Variants in TNS1 observed in about 807,000 individuals in gnomAD.
TNS1 encodes the protein tensin 1.
In TNS1, 62 loss-of-function variants were observed where a neutral mutation model predicts 168.6. The ratio of observed to expected loss-of-function variants is 0.37; its 90% CI spans 0.30 to 0.45. The LOEUF (loss-of-function observed/expected upper bound fraction) is 0.45, where lower values mean the gene tolerates loss of function less well. Ranked by LOEUF, TNS1 falls within the 20% of genes least tolerant of loss-of-function variation. TNS1 has a pLI of 1.00. For missense variants in TNS1, 2,240 were observed against 2,339.4 expected, an observed-to-expected ratio of 0.96 and a Z score of 0.88; for synonymous variants, 934 against 933.2, an observed-to-expected ratio of 1.00 and a Z score of -0.02.
chr2:217,937,188 T>TC, intron 3 of TNS1: 8 of 373,272 alleles, frequency 2.1e-5, no homozygotes, highest in South Asian at 3.9e-5. Context: ...ACTCCCCTAC[T>TC]CCCCTACTCC....
intron 20 of TNS1, among the ~76,000 whole-genome samples, 164 bp downstream of exon 20, chr2:217,835,851 G>A (rs1945090735): frequency 6.6e-6 from 1 of 152,120 alleles, no homozygotes; most frequent in African/African-American, 2.4e-5. Context: ...TATTTAATGG[G>A]CCCCAGACTC....
At position 217,818,008 on chromosome 2, in the gene TNS1, G is replaced by A. The variant is rs147499675; in HGVS notation, c.4324C>T (p.Arg1442Trp). The A allele has an allele frequency of 2.6e-4, 419 of 1,596,730 alleles. No homozygotes were observed. Among genetic ancestry groups the A allele is most frequent in the East Asian group, 1.4e-3 (60 of 44,120 alleles). Reference protein sequence around the residue: ...TPEDRRPTLSRQSSASGYQAP... With the variant: ...TPEDRRPTLSWQSSASGYQAP... Reference sequence around the variant, plus strand: ...TGGTAGCCAGAGGCACTGCTCTGCCGGGACAGTGTGGGTCTCCGATCCTCC... The same window carrying A: ...TGGTAGCCAGAGGCACTGCTCTGCCAGGACAGTGTGGGTCTCCGATCCTCC... The change falls in exon 24 of 33, where the codon CGG becomes TGG. Residue 1442 changes from arginine to tryptophan, a missense_variant. Around this residue, in one of 2 missense-constraint regions of TNS1, gnomAD observed 2,131 missense variants for 2,171.2 expected, o/e 0.98. Coordinates refer to ENST00000682258, the MANE Select transcript of TNS1 (RefSeq NM_001387777.1).
At chr2:217,844,423 G>A (rs746336528) in intron 19 of TNS1, among the ~76,000 whole-genome samples, 23 of 152,030 alleles carry the variant, frequency 1.5e-4, no homozygotes, top group Non-Finnish European at 2.4e-4. Context: ...TCCTTAGTCC[G>A]GTATTTAAGA....
intron 2 of TNS1, among the ~76,000 whole-genome samples, chr2:217,982,895 T>C (rs555824232): frequency 6.6e-6 from 1 of 152,270 alleles, no homozygotes; most frequent in South Asian, 2.1e-4. Context: ...CCTTCCTCAC[T>C]TCCCTTACCC....
chr2:217,918,906 C>T (rs547911531), intron 4 of TNS1, among the ~76,000 whole-genome samples: 33 of 152,322 alleles, frequency 2.2e-4, no homozygotes, highest in African/African-American at 7.9e-4. Context: ...TCCACATCTG[C>T]AGCAGCAGGG....
At chr2:218,002,632 G>A (rs1206118974) in intron 1 of TNS1, among the ~76,000 whole-genome samples, 2 of 152,012 alleles carry the variant, frequency 1.3e-5, no homozygotes, top group African/African-American at 4.8e-5. Context: ...GGGACCCTGG[G>A]CCTGGGCCCT....
At chr2:217,893,654 G>T in intron 9 of TNS1, 93 bp from the exon 10 acceptor site, 1 of 1,473,996 alleles carries the variant, frequency 6.8e-7, no homozygotes, top group Middle Eastern at 2.6e-4. Context: ...CAGTACCTGG[G>T]CAGTGGCCCG....
In TNS1 at chr2:217,848,422, G is replaced by A; in HGVS notation, c.2095C>T (p.His699Tyr). ...TAGGAGGGCCGCATGGGGGCCGTGT[G>A]GCCAGCATGGGCAGGCCCCGCCCGG... ...ASRAGPAHAG[H>Y]TAPMRPSYSA... Residue 699 changes from histidine (H) to tyrosine (Y), a missense_variant, in exon 19 of 33, where the codon CAC becomes TAC. Physicochemically the swap from His to Tyr is moderately conservative, Grantham distance 83. This residue lies in a region of TNS1 where 2,131 missense variants were observed against 2,171.2 expected (regional missense o/e 0.98). Transcript: ENST00000682258. The A allele has an allele frequency of 1.2e-6, 2 of 1,604,684 alleles. No homozygotes were observed. The highest frequency in any genetic ancestry group is 1.7e-6 in the Non-Finnish European group (2 of 1,174,536).
chr2:217,831,539 G>C lies in TNS1; in HGVS notation c.3289C>G (p.Pro1097Ala). Reference sequence around the variant, plus strand: ...AGGGGTGTCTTGGCCAGACCCGGGGGGGACCGCACTGTGCCAGGAAGAAGA... The same window carrying C: ...AGGGGTGTCTTGGCCAGACCCGGGGCGGACCGCACTGTGCCAGGAAGAAGA... ...SSPPPSGVRS[P>A]PGLAKTPLSA... The change falls in exon 22 of 33, where the codon CCC becomes GCC. Residue 1097 changes from proline to alanine, a missense_variant. Physicochemically the swap from Pro to Ala is conservative, Grantham distance 27. This residue lies in a region of TNS1 where 2,131 missense variants were observed against 2,171.2 expected (regional missense o/e 0.98). Coordinates refer to ENST00000682258, the MANE Select transcript of TNS1 (RefSeq NM_001387777.1). 6.6e-7 allele frequency: 1 copy of C among 1,523,852 alleles called. No homozygotes were observed. The highest frequency in any genetic ancestry group is 8.8e-7 in the Non-Finnish European group (1 of 1,140,002). The allele number at this position is 1,523,852 out of a possible 1,614,324, so 94.4% of individuals were successfully genotyped here.
In TNS1 at chr2:217,818,311, C is replaced by A. The variant is rs1483202810; in HGVS notation, c.4021G>T (p.Ala1341Ser). The change falls in exon 24 of 33, where the codon GCA becomes TCA. Residue 1341 changes from alanine to serine, a missense_variant. This residue lies in a region of TNS1 where 2,131 missense variants were observed against 2,171.2 expected (regional missense o/e 0.98). Coordinates refer to ENST00000682258, the MANE Select transcript of TNS1 (RefSeq NM_001387777.1). ...CTGGGGCTCCCCGGGGTGGTCGCTG[C>A]ACTGCTCTGGGGGCTGGAGACAGTG... Reference protein sequence around the residue: ...GSTVSSPQSSAATTPGSPSLC... With the variant: ...GSTVSSPQSSSATTPGSPSLC... 1 of 1,613,880 alleles carries A rather than the reference C, an allele frequency of 6.2e-7. No homozygotes were observed. The highest frequency in any genetic ancestry group is 1.7e-5 in the Admixed American group (1 of 60,006).
intron 25 of TNS1, 63 bp downstream of exon 25, chr2:217,814,849 G>T: frequency 7.0e-7 from 1 of 1,428,262 alleles, no homozygotes; most frequent in Non-Finnish European, 9.8e-7. Flanking sequence ...TCCTTGCCCA[G>T]GGAAGACACA....
At chr2:217,903,314 C>T (rs929375289) in intron 6 of TNS1, among the ~76,000 whole-genome samples, 2 of 152,138 alleles carry the variant, frequency 1.3e-5, no homozygotes, top group African/African-American at 4.8e-5. Flanking sequence ...GTAGAGGTTC[C>T]GTCTCATTTG....
In TNS1 at chr2:217,973,705, C is replaced by T. The variant is rs148015759; in HGVS notation, c.186+5060G>A. On this transcript the variant is annotated intron_variant, in intron 3 of 32. Transcript: ENST00000682258. ...AGGTGCCATTAGCCAAGTTGGGCAC[C>T]GTCATGGGGCCTGGATGTTGGATCT... Among the ~76,000 whole-genome samples, 435 of 152,294 alleles carry T rather than the reference C, an allele frequency of 2.9e-3. 1 individual carries two copies. The highest frequency in any genetic ancestry group is 5.2e-3 in the Non-Finnish European group (354 of 68,012).
At chr2:217,857,980 A>T (rs956738637) in intron 18 of TNS1, among the ~76,000 whole-genome samples, 8 of 152,048 alleles carry the variant, frequency 5.3e-5, no homozygotes, top group Non-Finnish European at 1.2e-4. Flanking sequence ...AGCTGCCAAA[A>T]TCTCTGCCAA....
At chr2:217,955,856 C>T (rs1301085462) in intron 3 of TNS1, among the ~76,000 whole-genome samples, 1 of 152,126 alleles carries the variant, frequency 6.6e-6, no homozygotes, top group African/African-American at 2.4e-5. Flanking sequence ...GACAATGTCC[C>T]TCTCAGGGAA....
At chr2:217,844,165 C>A in intron 19 of TNS1, among the ~76,000 whole-genome samples, 1 of 152,120 alleles carries the variant, frequency 6.6e-6, no homozygotes, top group East Asian at 1.9e-4. Flanking sequence ...TTGGTTCTAC[C>A]CCCACAGTAT....
chr2:217,882,408 T>A lies in TNS1; in HGVS notation c.1250A>T (p.Asp417Val). The A allele has an allele frequency of 6.3e-7, 1 of 1,599,170 alleles. No homozygotes were observed. The highest frequency in any genetic ancestry group is 8.5e-7 in the Non-Finnish European group (1 of 1,175,428). ...CACTTTGCCATACTCTGGAAATCGATCATCTGGAAAAAGAGAAGGAAAAAT... is the reference window on the plus strand; with the variant it reads ...CACTTTGCCATACTCTGGAAATCGAACATCTGGAAAAAGAGAAGGAAAAAT... The part of the protein sequence containing the change: ...KEDLDDAFKD[D>V]RFPEYGKVEF... Residue 417 changes from aspartate (D) to valine (V), a missense_variant, in exon 17 of 33, where the codon GAT becomes GTT. Physicochemically the swap from Asp to Val is radical, Grantham distance 152 (BLOSUM62 -3). Around this residue, in one of 2 missense-constraint regions of TNS1, gnomAD observed 2,131 missense variants for 2,171.2 expected, o/e 0.98. Transcript: ENST00000682258.
In TNS1 at chr2:217,809,952, G is replaced by T; in HGVS notation, c.5144C>A (p.Ser1715Ter). The T allele has an allele frequency of 6.2e-7, 1 of 1,612,300 alleles. No homozygotes were observed. Among genetic ancestry groups the T allele is most frequent in the South Asian group, 1.1e-5 (1 of 91,022 alleles). Reference sequence around the variant, plus strand: ...AGAGATGGCCTGTGGCCCAGTGAGTGACTCCATGTCCACAGAGTTGACGAA... The same window carrying T: ...AGAGATGGCCTGTGGCCCAGTGAGTTACTCCATGTCCACAGAGTTGACGAA... The part of the protein sequence containing the change: ...VLFVNSVDME[S>*]LTGPQAISKA... The change falls in exon 30 of 33, where the codon TCA becomes TAA. Residue 1715 changes from serine (S) to a stop codon, truncating the protein, a stop_gained. Coordinates refer to ENST00000682258, the MANE Select transcript of TNS1 (RefSeq NM_001387777.1). LOFTEE classifies it high-confidence loss of function.
At chr2:217,902,328 A>T (rs1325211589) in intron 6 of TNS1, among the ~76,000 whole-genome samples, 1 of 152,150 alleles carries the variant, frequency 6.6e-6, no homozygotes, top group South Asian at 2.1e-4. Flanking sequence ...GCTGATCCGT[A>T]GCCACTTTTG....
Sources: gnomAD v4.1 joint callset for allele counts (sites outside exome capture counted in the v4.1 genomes callset) on GRCh38, gnomAD v4.1.1 for gene constraint, gnomAD v4.1.1 regional missense constraint, MANE v1.5 for transcripts, NCBI Gene and HGNC (gene_info 2026-07-23, HGNC 2026-07-21) for gene names.